TASP1: variants seen among roughly 807,000 people sequenced by gnomAD.
TASP1 encodes threonine aspartase 1.
TASP1 carries 16 observed loss-of-function variants against 56.6 expected under a neutral mutation model. The ratio of observed to expected loss-of-function variants is 0.28; its 90% CI spans 0.19 to 0.43. The LOEUF is 0.43. TASP1 is among the 20% of genes least tolerant of loss of function. The pLI is 1.00. For synonymous variants in TASP1, 179 were observed against 184.2 expected (o/e 0.97, Z 0.23); for missense variants, 393 against 511.6 (o/e 0.77, Z 2.24).
At chr20:13,538,753 T>C (rs970250125) in intron 8 of TASP1, among the ~76,000 whole-genome samples, 1 of 152,018 alleles carries the variant, frequency 6.6e-6, no homozygotes, top group South Asian at 2.1e-4. Context: ...CAAAGTATAA[T>C]CTAGCTAGGC....
the TASP1 span, among the ~76,000 whole-genome samples, chr20:13,181,637 G>A: frequency 3.9e-5 from 6 of 152,258 alleles, no homozygotes; most frequent in Non-Finnish European, 8.8e-5. Context: ...TCTTTTAAAC[G>A]TGATGACGAT....
chr20:13,428,204 CTTCATAGGG>C (rs936526794), intron 12 of TASP1, among the ~76,000 whole-genome samples: 8 of 152,152 alleles, frequency 5.3e-5, no homozygotes, highest in African/African-American at 1.9e-4. Flanking sequence ...CACCCTTGAA[CTTCATAGGG>C]TCTATCAGGC....
chr20:13,202,965 A>G, the TASP1 span, among the ~76,000 whole-genome samples: 2 of 152,244 alleles, frequency 1.3e-5, no homozygotes, highest in Non-Finnish European at 2.9e-5. Flanking sequence ...AACATATGTA[A>G]GGAGGCAGCT....
At chr20:13,394,021 C>G (rs2041403454) in intron 13 of TASP1, among the ~76,000 whole-genome samples, 1 of 152,166 alleles carries the variant, frequency 6.6e-6, no homozygotes, top group Admixed American at 6.5e-5. Context: ...TGGCTCACGC[C>G]TGTAATCCTA....
At chr20:13,335,324 G>GCACACACA in the TASP1 span, among the ~76,000 whole-genome samples, 10 of 141,542 alleles carry the variant, frequency 7.1e-5, no homozygotes, top group East Asian at 2.1e-4. Context: ...CCTCACCTAT[G>GCACACACA]CACACACACA....
rs546419566 is a variant in TASP1 at position 13,469,792 on chromosome 20, C to CTTTTTTTTTTTTTTTTTTTT, written c.985+13415_985+13434dup. On this transcript the variant is annotated intron_variant, in intron 11 of 13. Transcript: ENST00000337743. Reference sequence around the variant, plus strand: ...ACAGTTGTCCAGGTCAATAAATGTCCTTTTTTTTTTTTTTTTTTTTTTTTT... The same window carrying CTTTTTTTTTTTTTTTTTTTT: ...ACAGTTGTCCAGGTCAATAAATGTCCTTTTTTTTTTTTTTTTTTTTTTTTTTTTTTTTTTTTTTTTTTTTT... Among the ~76,000 whole-genome samples the CTTTTTTTTTTTTTTTTTTTT allele has an allele frequency of 2.0e-4, 8 of 39,546 alleles. 1 individual carries two copies. The highest frequency in any genetic ancestry group is 4.5e-4 in the Admixed American group (1 of 2,234). The allele number at this position is 39,546 out of a possible 152,430, so 25.9% of individuals were successfully genotyped here.
At chr20:13,194,952 G>C in the TASP1 span, among the ~76,000 whole-genome samples, 4 of 152,088 alleles carry the variant, frequency 2.6e-5, no homozygotes, top group South Asian at 8.3e-4. Context: ...ATAGAGAGAG[G>C]GGGTGCGCCT....
chr20:13,397,865 GGT>G (rs2041599212), intron 13 of TASP1, among the ~76,000 whole-genome samples: 2 of 152,140 alleles, frequency 1.3e-5, no homozygotes, highest in African/African-American at 4.8e-5. Flanking sequence ...TACTACTGAG[GGT>G]TTCCCTTCAG....
intron 9 of TASP1, among the ~76,000 whole-genome samples, chr20:13,531,189 G>A (rs2045203646): frequency 6.6e-6 from 1 of 152,124 alleles, no homozygotes; most frequent in African/African-American, 2.4e-5. Flanking sequence ...AAGTTTGTAA[G>A]GTAGCCGGTT....
chr20:13,538,570 C>T lies in TASP1; in HGVS notation c.676-4429G>A, dbSNP rs566523207. ...ACTTGAGAAATGCAGATGACTTATA[C>T]CCTAACATGACAGTACAATAATGCC... On this transcript the variant is annotated intron_variant, in intron 8 of 13. Transcript: ENST00000337743. 2.0e-5 allele frequency among the ~76,000 whole-genome samples: 3 copies of T among 152,252 alleles called. No homozygotes were observed. In the South Asian group the frequency reaches 6.2e-4, roughly 32 times the overall value.
intron 7 of TASP1, among the ~76,000 whole-genome samples, chr20:13,568,989 CAAT>C (rs1166716965): frequency 1.3e-5 from 2 of 151,980 alleles, no homozygotes; most frequent in African/African-American, 4.8e-5. Context: ...TTATATTGGG[CAAT>C]TACTTGTATT....
At chr20:13,203,480 A>T in the TASP1 span, among the ~76,000 whole-genome samples, 5 of 152,372 alleles carry the variant, frequency 3.3e-5, no homozygotes, top group East Asian at 9.6e-4. Context: ...TTCAGATTTT[A>T]AACTACTGAA....
intron 12 of TASP1, among the ~76,000 whole-genome samples, chr20:13,430,696 G>C (rs938034972): frequency 6.6e-6 from 1 of 152,192 alleles, no homozygotes; most frequent in African/African-American, 2.4e-5. Context: ...GTCAAGGGCA[G>C]GGAAATTGAG....
chr20:13,567,124 C>T (rs1321573314), intron 7 of TASP1, among the ~76,000 whole-genome samples: 1 of 152,052 alleles, frequency 6.6e-6, no homozygotes, highest in Admixed American at 6.5e-5. Flanking sequence ...ATGTCTTTAG[C>T]ACGAGCATGG....
At chr20:13,374,156 CTTT>C in the TASP1 span, among the ~76,000 whole-genome samples, 2 of 152,114 alleles carry the variant, frequency 1.3e-5, no homozygotes, top group African/African-American at 4.8e-5. Flanking sequence ...TACTGTACTT[CTTT>C]AAGCATTTTT....
At chr20:13,130,958 T>G in the TASP1 span, among the ~76,000 whole-genome samples, 1 of 152,200 alleles carries the variant, frequency 6.6e-6, no homozygotes, top group Non-Finnish European at 1.5e-5. Flanking sequence ...GTTTATCTCA[T>G]AGGACTGGGA....
the TASP1 span, chr20:13,288,741 T>C: frequency 1.3e-6 from 2 of 1,514,396 alleles, no homozygotes; most frequent in Non-Finnish European, 1.8e-6. Flanking sequence ...TAATTTATCA[T>C]TAAAAACTTA....
chr20:13,528,405 G>A (rs2045077315), intron 10 of TASP1, 28 bp downstream of exon 10: 1 of 1,585,172 alleles, frequency 6.3e-7, no homozygotes, highest in Non-Finnish European at 8.6e-7. Context: ...TTGAAGTTAT[G>A]AGAAATGGTT....
At chr20:13,435,976 G>C (rs1600786941) in intron 11 of TASP1, among the ~76,000 whole-genome samples, 1 of 152,184 alleles carries the variant, frequency 6.6e-6, no homozygotes, top group Non-Finnish European at 1.5e-5. Context: ...TGATGGGAAA[G>C]GAAGAAAGAA....
Sources: allele counts gnomAD v4.1 joint callset (sites outside exome capture counted in the v4.1 genomes callset), GRCh38; gene constraint gnomAD v4.1.1; transcripts MANE v1.5; gene names NCBI Gene and HGNC (gene_info 2026-07-23, HGNC 2026-07-21).